DPEP2NB: variants seen among roughly 807,000 people sequenced by gnomAD.
DPEP2NB encodes the protein DPEP2 neighbor.
For missense variants in DPEP2NB, 117 were observed against 151.8 expected, an observed-to-expected ratio of 0.77 and a Z score of 1.21; for synonymous variants, 35 against 55.3, an observed-to-expected ratio of 0.63 and a Z score of 1.63.
At position 68,015,816 on chromosome 16, in the gene DPEP2NB, T is replaced by A. The variant is rs922367719; in HGVS notation, c.-46A>T. On this transcript the variant is annotated 5_prime_UTR_variant, in exon 1 of 2. Transcript: ENST00000574912. ...AGATTGGTATCTTACAGAGAAATGG[T>A]AGGGAGGCTTCTCTAGGACGCAGGT... 41 of 1,082,194 alleles carry A rather than the reference T, an allele frequency of 3.8e-5. No individual in the cohort carries two copies. The highest frequency in any genetic ancestry group is 4.7e-5 in the Non-Finnish European group (40 of 851,582). 67.0% of individuals were successfully genotyped at this position (1,082,194 alleles called of 1,614,324 possible). A position where few individuals can be genotyped will look rare whatever the true frequency, so the allele number is the denominator to read the frequency against.
In DPEP2NB at chr16:68,014,333, G is replaced by C. The variant is rs2033152804; in HGVS notation, c.147C>G (p.Gly49=). Residue 49 remains glycine (G), a synonymous_variant, in exon 2 of 2, where the codon GGC becomes GGG. Coordinates refer to ENST00000574912, the MANE Select transcript of DPEP2NB (RefSeq NM_001282442.2). ...LYRGCGETQV[G]WHGETYCLVG... Reference sequence around the variant, plus strand: ...CCAGGCAGTACGTCTCCCCATGCCAGCCTACCTGAGTTTCTCCACACCCTC... The same window carrying C: ...CCAGGCAGTACGTCTCCCCATGCCACCCTACCTGAGTTTCTCCACACCCTC... The C allele has an allele frequency of 1.1e-5, 14 of 1,231,678 alleles. No individual in the cohort carries two copies. Among genetic ancestry groups the C allele is most frequent in the Non-Finnish European group, 1.4e-5 (14 of 988,014 alleles). The allele number at this position is 1,231,678 out of a possible 1,614,324, so 76.3% of individuals were successfully genotyped here. A position where few individuals can be genotyped will look rare whatever the true frequency, so the allele number is the denominator to read the frequency against.
rs757790079 is a variant in DPEP2NB at position 68,014,204 on chromosome 16, C to G, written c.276G>C (p.Thr92=). 2.4e-6 allele frequency: 3 copies of G among 1,231,628 alleles called. No individual in the cohort carries two copies. Among genetic ancestry groups the G allele is most frequent in the Non-Finnish European group, 2.0e-6 (2 of 988,000 alleles). The allele number at this position is 1,231,628 out of a possible 1,614,324, so 76.3% of individuals were successfully genotyped here. A position where few individuals can be genotyped will look rare whatever the true frequency, so the allele number is the denominator to read the frequency against. Residue 92 remains threonine, a synonymous_variant, in exon 2 of 2, where the codon ACG becomes ACC. Coordinates refer to ENST00000574912, the MANE Select transcript of DPEP2NB (RefSeq NM_001282442.2). ...PRRAPKRRQA[T]IESDKDLGCS... is the part of the protein sequence containing the mutation. ...AACCCAGGTCTTTATCTGACTCTAT[C>G]GTAGCTTGACGTCTCTTGGGAGCAC...
At position 68,014,428 on chromosome 16, in the gene DPEP2NB, G is replaced by A. The variant is rs1047752664; in HGVS notation, c.68-16C>T. On this transcript the variant is annotated splice_polypyrimidine_tract_variant and intron_variant, in intron 1 of 1. Transcript: ENST00000574912. Reference sequence around the variant, plus strand: ...GGCACTGCAGCTGGAAAGAAAACCAGAATTAGTCACTTTTACCTTATACAT... The same window carrying A: ...GGCACTGCAGCTGGAAAGAAAACCAAAATTAGTCACTTTTACCTTATACAT... 3.5e-5 allele frequency: 43 copies of A among 1,230,814 alleles called. No individual in the cohort carries two copies. Among genetic ancestry groups the A allele is most frequent in the South Asian group, 2.1e-4 (5 of 24,282 alleles). 76.2% of individuals were successfully genotyped at this position (1,230,814 alleles called of 1,614,324 possible).
At position 68,015,787 on chromosome 16, in the gene DPEP2NB, A is replaced by C; in HGVS notation, c.-17T>G. On this transcript the variant is annotated 5_prime_UTR_variant, in exon 1 of 2. Coordinates refer to ENST00000574912, the MANE Select transcript of DPEP2NB (RefSeq NM_001282442.2). Reference sequence around the variant, plus strand: ...GTCAGTCATTCTCTCTCAGCCAACCAAACAGATTGGTATCTTACAGAGAAA... The same window carrying C: ...GTCAGTCATTCTCTCTCAGCCAACCCAACAGATTGGTATCTTACAGAGAAA... 1 of 1,215,822 alleles carries C rather than the reference A, an allele frequency of 8.2e-7. No individual in the cohort carries two copies. 75.3% of individuals were successfully genotyped at this position (1,215,822 alleles called of 1,614,324 possible).
At chr16:68,015,266 G>A (rs989564565) in intron 1 of DPEP2NB, among the ~76,000 whole-genome samples, 2 of 150,308 alleles carry the variant, frequency 1.3e-5, no homozygotes, top group East Asian at 4.0e-4. Flanking sequence ...GGTGGCGCGT[G>A]CCTGTAGTCC....
At chr16:68,015,222 TCA>T (rs1567462064) in intron 1 of DPEP2NB, among the ~76,000 whole-genome samples, 1 of 151,104 alleles carries the variant, frequency 6.6e-6, no homozygotes, top group Non-Finnish European at 1.5e-5. Context: ...CGAAACCCTG[TCA>T]CTACTAAAAA....
chr16:68,015,212 C>T (rs1321461374), intron 1 of DPEP2NB, among the ~76,000 whole-genome samples: 1 of 150,936 alleles, frequency 6.6e-6, no homozygotes, highest in Non-Finnish European at 1.5e-5. Context: ...GGCAACATGG[C>T]GAAACCCTGT....
chr16:68,013,970 T>C lies in DPEP2NB; in HGVS notation c.*138A>G, dbSNP rs1216037946. On this transcript the variant is annotated 3_prime_UTR_variant, in exon 2 of 2. Coordinates refer to ENST00000574912, the MANE Select transcript of DPEP2NB (RefSeq NM_001282442.2). ...GCTCCTTGGCCATGGGTAGTTAGCA[T>C]GGAAGGGGGCTTCTGGATGAGGAAG... is the stretch of plus-strand genomic sequence containing the variant. 2 of 645,448 alleles carry C rather than the reference T, an allele frequency of 3.1e-6. No homozygotes were observed. The highest frequency in any genetic ancestry group is 4.4e-6 in the Non-Finnish European group (2 of 452,976). 40.0% of individuals were successfully genotyped at this position (645,448 alleles called of 1,614,324 possible). A position where few individuals can be genotyped will look rare whatever the true frequency, so the allele number is the denominator to read the frequency against.
At chr16:68,015,655 G>A in intron 1 of DPEP2NB, 49 bp downstream of exon 1, 3 of 1,075,648 alleles carry the variant, frequency 2.8e-6, no homozygotes, top group East Asian at 3.2e-5. Context: ...GCCAGGTGAA[G>A]CTGTGGGTAC....
intron 1 of DPEP2NB, 78 bp downstream of exon 1, chr16:68,015,626 G>T: frequency 2.3e-6 from 2 of 855,428 alleles, no homozygotes; most frequent in Non-Finnish European, 3.1e-6. Flanking sequence ...TGGTGGGCCA[G>T]CCCAGAAGGA....
Position 68,014,107 on chromosome 16 carries a change from C to T in DPEP2NB, c.*1G>A, listed in dbSNP as rs2033150626. 1.6e-6 allele frequency: 2 copies of T among 1,231,674 alleles called. No individual in the cohort carries two copies. The highest frequency in any genetic ancestry group is 2.0e-6 in the Non-Finnish European group (2 of 988,024). The allele number at this position is 1,231,674 out of a possible 1,614,324, so 76.3% of individuals were successfully genotyped here. A position where few individuals can be genotyped will look rare whatever the true frequency, so the allele number is the denominator to read the frequency against. On this transcript the variant is annotated 3_prime_UTR_variant, in exon 2 of 2. Coordinates refer to ENST00000574912, the MANE Select transcript of DPEP2NB (RefSeq NM_001282442.2). ...AACATTTGTCCTTTCTCCCAAATGGCTCAGCCAGCAAGCTTCTGTGGGGTC... is the reference window on the plus strand; with the variant it reads ...AACATTTGTCCTTTCTCCCAAATGGTTCAGCCAGCAAGCTTCTGTGGGGTC...
In DPEP2NB at chr16:68,014,376, T is replaced by G; in HGVS notation, c.104A>C (p.His35Pro). Residue 35 changes from histidine (H) to proline (P), a missense_variant, in exon 2 of 2, where the codon CAC (histidine) becomes CCC (proline). Physicochemically the swap from His to Pro is moderately conservative, Grantham distance 77. Coordinates refer to ENST00000574912, the MANE Select transcript of DPEP2NB (RefSeq NM_001282442.2). ...ACACCCTCGGTAGAGAACATGGTAG[T>G]GCCCAGGTGTGGGAGGAGAAGTGGC... ...VPATSPPTPGHYHVLYRGCGE... is the reference protein window; with the variant it reads ...VPATSPPTPGPYHVLYRGCGE... 1 of 1,231,838 alleles carries G rather than the reference T, an allele frequency of 8.1e-7. No homozygotes were observed. Among genetic ancestry groups the G allele is most frequent in the Non-Finnish European group, 1.0e-6 (1 of 988,044 alleles). The allele number at this position is 1,231,838 out of a possible 1,614,324, so 76.3% of individuals were successfully genotyped here.
intron 1 of DPEP2NB, among the ~76,000 whole-genome samples, chr16:68,014,693 T>C (rs1380743981): frequency 6.6e-6 from 1 of 152,116 alleles, no homozygotes; most frequent in Non-Finnish European, 1.5e-5. Context: ...TAATGGAAAT[T>C]ATTTTCAAGT....
At position 68,014,200 on chromosome 16, in the gene DPEP2NB, C is replaced by T; in HGVS notation, c.280G>A (p.Glu94Lys). Residue 94 changes from glutamate (E) to lysine (K), a missense_variant, in exon 2 of 2, where the codon GAG (glutamate) becomes AAG (lysine). Transcript: ENST00000574912. Reference protein sequence around the residue: ...RAPKRRQATIESDKDLGCSSP... With the variant: ...RAPKRRQATIKSDKDLGCSSP... ...GAGCAACCCAGGTCTTTATCTGACT[C>T]TATCGTAGCTTGACGTCTCTTGGGA... The T allele has an allele frequency of 1.6e-6, 2 of 1,231,776 alleles. No individual in the cohort carries two copies. Among genetic ancestry groups the T allele is most frequent in the Non-Finnish European group, 2.0e-6 (2 of 987,996 alleles). The allele number at this position is 1,231,776 out of a possible 1,614,324, so 76.3% of individuals were successfully genotyped here. A position where few individuals can be genotyped will look rare whatever the true frequency, so the allele number is the denominator to read the frequency against.
intron 1 of DPEP2NB, 67 bp from the exon 2 acceptor site, chr16:68,014,479 C>A: frequency 9.2e-7 from 1 of 1,084,758 alleles, no homozygotes; most frequent in South Asian, 4.8e-5. Flanking sequence ...TACCCTCTCT[C>A]GCGACTCTTC....
Position 68,014,368 on chromosome 16 carries a change from C to G in DPEP2NB, c.112G>C (p.Val38Leu), listed in dbSNP as rs2033153167. The G allele has an allele frequency of 1.2e-5, 15 of 1,231,776 alleles. No individual in the cohort carries two copies. Among genetic ancestry groups the G allele is most frequent in the Non-Finnish European group, 1.5e-5 (15 of 988,076 alleles). 76.3% of individuals were successfully genotyped at this position (1,231,776 alleles called of 1,614,324 possible). A position where few individuals can be genotyped will look rare whatever the true frequency, so the allele number is the denominator to read the frequency against. The part of the protein sequence containing the change: ...TSPPTPGHYH[V>L]LYRGCGETQV... The stretch of plus-strand genomic sequence containing the variant: ...GTTTCTCCACACCCTCGGTAGAGAA[C>G]ATGGTAGTGCCCAGGTGTGGGAGGA... The change falls in exon 2 of 2, where the codon GTT (valine) becomes CTT (leucine). Residue 38 changes from valine (V) to leucine (L), a missense_variant. Coordinates refer to ENST00000574912, the MANE Select transcript of DPEP2NB (RefSeq NM_001282442.2).
In DPEP2NB at chr16:68,014,157, C is replaced by T. The variant is rs1446278095; in HGVS notation, c.323G>A (p.Arg108His). The change falls in exon 2 of 2, where the codon CGC becomes CAC. Residue 108 changes from arginine (R) to histidine (H), a missense_variant. Coordinates refer to ENST00000574912, the MANE Select transcript of DPEP2NB (RefSeq NM_001282442.2). ...DLGCSSPKIR[R>H]LEHRGRRLTP... ...CAGTCTCCTGCCACGATGCTCCAAGCGCCGAATTTTGGGGCTAGAGCAACC... is the reference window on the plus strand; with the variant it reads ...CAGTCTCCTGCCACGATGCTCCAAGTGCCGAATTTTGGGGCTAGAGCAACC... 9.7e-6 allele frequency: 12 copies of T among 1,231,660 alleles called. No homozygotes were observed. Among genetic ancestry groups the T allele is most frequent in the African/African-American group, 6.2e-5 (4 of 64,418 alleles). The allele number at this position is 1,231,660 out of a possible 1,614,324, so 76.3% of individuals were successfully genotyped here.
rs929302719 is a variant in DPEP2NB at position 68,014,426 on chromosome 16, C to G, written c.68-14G>C. 19 of 1,230,910 alleles carry G rather than the reference C, an allele frequency of 1.5e-5. No individual in the cohort carries two copies. The highest frequency in any genetic ancestry group is 1.9e-5 in the Non-Finnish European group (19 of 987,334). 76.2% of individuals were successfully genotyped at this position (1,230,910 alleles called of 1,614,324 possible). ...CAGGCACTGCAGCTGGAAAGAAAACCAGAATTAGTCACTTTTACCTTATAC... is the reference window on the plus strand; with the variant it reads ...CAGGCACTGCAGCTGGAAAGAAAACGAGAATTAGTCACTTTTACCTTATAC... On this transcript the variant is annotated splice_polypyrimidine_tract_variant and intron_variant, in intron 1 of 1. Transcript: ENST00000574912.
In DPEP2NB at chr16:68,014,105, G is replaced by A; in HGVS notation, c.*3C>T. 1 of 1,231,624 alleles carries A rather than the reference G, an allele frequency of 8.1e-7. No individual in the cohort carries two copies. Among genetic ancestry groups the A allele is most frequent in the Non-Finnish European group, 1.0e-6 (1 of 987,906 alleles). 76.3% of individuals were successfully genotyped at this position (1,231,624 alleles called of 1,614,324 possible). On this transcript the variant is annotated 3_prime_UTR_variant, in exon 2 of 2. Coordinates refer to ENST00000574912, the MANE Select transcript of DPEP2NB (RefSeq NM_001282442.2). ...TAAACATTTGTCCTTTCTCCCAAAT[G>A]GCTCAGCCAGCAAGCTTCTGTGGGG...
Sources: allele counts gnomAD v4.1 joint callset (sites outside exome capture counted in the v4.1 genomes callset), GRCh38; gene constraint gnomAD v4.1.1; transcripts MANE v1.5; gene names NCBI Gene and HGNC (gene_info 2026-07-23, HGNC 2026-07-21).